Variants in CADM2 observed in about 807,000 individuals in gnomAD.
CADM2 encodes the protein immunoglobulin superfamily member 4D.
CADM2 carries 12 observed loss-of-function variants against 49.8 expected under a neutral mutation model. The observed-to-expected ratio is 0.24, with a 90% CI of 0.15 to 0.39. The LOEUF is 0.39. Among genes scored for constraint, CADM2 ranks in the 10% least tolerant of loss-of-function variants. CADM2 has a pLI of 1.00. For synonymous variants in CADM2, 214 were observed against 175.4 expected (o/e 1.22, Z -1.74); for missense variants, 378 against 492.3 (o/e 0.77, Z 2.20).
intron 3 of CADM2, among the ~76,000 whole-genome samples, chr3:85,854,764 G>T (rs1322127744): frequency 2.0e-5 from 3 of 152,178 alleles, no homozygotes; most frequent in Admixed American, 1.3e-4. Flanking sequence ...ATGTATCCCA[G>T]AACTTAAAGT....
chr3:85,209,447 A>C (rs567805494), intron 1 of CADM2, among the ~76,000 whole-genome samples: 1 of 152,280 alleles, frequency 6.6e-6, no homozygotes, highest in Admixed American at 6.5e-5. Context: ...AATTCTCTCG[A>C]AGCCCAAGCC....
chr3:86,039,733 T>A (rs1735617035), intron 8 of CADM2, among the ~76,000 whole-genome samples: 1 of 151,872 alleles, frequency 6.6e-6, no homozygotes, highest in Admixed American at 6.6e-5. Flanking sequence ...TTGAAGAGAG[T>A]AGTGGTTCTC....
chr3:85,494,933 T>C (rs1458133846), intron 1 of CADM2, among the ~76,000 whole-genome samples: 1 of 152,158 alleles, frequency 6.6e-6, no homozygotes, highest in Non-Finnish European at 1.5e-5. Context: ...AAGAAAACGT[T>C]AGACATGATT....
At chr3:85,596,849 C>A (rs192359396) in intron 1 of CADM2, among the ~76,000 whole-genome samples, 4 of 151,894 alleles carry the variant, frequency 2.6e-5, no homozygotes, top group African/African-American at 4.8e-5. Context: ...CCCTACTAGC[C>A]GGAACTACAG....
At chr3:85,453,179 T>A (rs2037830052) in intron 1 of CADM2, among the ~76,000 whole-genome samples, 1 of 152,152 alleles carries the variant, frequency 6.6e-6, no homozygotes, top group Non-Finnish European at 1.5e-5. Context: ...TTCCATTTTA[T>A]TTTTTTGTTT....
chr3:85,607,036 A>G (rs1576919521), intron 1 of CADM2, among the ~76,000 whole-genome samples: 1 of 152,198 alleles, frequency 6.6e-6, no homozygotes, highest in South Asian at 2.1e-4. Context: ...TGACAAACCT[A>G]AAAACTGGAT....
intron 1 of CADM2, among the ~76,000 whole-genome samples, chr3:85,112,231 A>G (rs1290598525): frequency 6.6e-6 from 1 of 151,866 alleles, no homozygotes; most frequent in African/African-American, 2.4e-5. Flanking sequence ...TCAGCATTCC[A>G]CTGGAAACCA....
At chr3:85,886,114 T>C in intron 4 of CADM2, 76 bp from the exon 5 acceptor site, 3 of 1,570,960 alleles carry the variant, frequency 1.9e-6, no homozygotes, top group Non-Finnish European at 2.6e-6. Context: ...TTCAGTTTCA[T>C]GTGTGAAAGT....
chr3:85,415,056 A>G lies in CADM2; in HGVS notation c.62-311466A>G, dbSNP rs1015873482. ...ACCAGGAAGTTTGGTATGAAAAATA[A>G]TTCTAAAGAAGCTTATTCTAAACCG... On this transcript the variant is annotated intron_variant, in intron 1 of 9. Transcript: ENST00000383699. 4.6e-5 allele frequency among the ~76,000 whole-genome samples: 7 copies of G among 152,178 alleles called. 1 individual carries two copies. The South Asian group carries it at 6.2e-4, about 13-fold the overall frequency.
At chr3:85,686,142 A>G (rs1030339043) in intron 1 of CADM2, among the ~76,000 whole-genome samples, 14 of 152,200 alleles carry the variant, frequency 9.2e-5, no homozygotes, top group African/African-American at 3.4e-4. Flanking sequence ...AGCTGCATAA[A>G]CTCACAGAAT....
At chr3:85,258,512 A>G (rs932343767) in intron 1 of CADM2, among the ~76,000 whole-genome samples, 1 of 150,942 alleles carries the variant, frequency 6.6e-6, no homozygotes, top group African/African-American at 2.4e-5. Context: ...AAAAAAAAAA[A>G]CTCACAGTCC....
At chr3:85,101,415 A>C (rs907099273) in intron 1 of CADM2, among the ~76,000 whole-genome samples, 15 of 152,166 alleles carry the variant, frequency 9.9e-5, no homozygotes, top group African/African-American at 3.6e-4. Flanking sequence ...TAACGTATAA[A>C]GGCCTCCAAA....
At chr3:85,931,620 T>TAATG (rs1440997509) in intron 6 of CADM2, among the ~76,000 whole-genome samples, 2 of 152,150 alleles carry the variant, frequency 1.3e-5, no homozygotes, top group African/African-American at 4.8e-5. Context: ...GATTTGAAGG[T>TAATG]AATGAATGAT....
intron 1 of CADM2, among the ~76,000 whole-genome samples, chr3:85,334,263 C>T (rs967093943): frequency 1.3e-5 from 2 of 151,440 alleles, no homozygotes; most frequent in Non-Finnish European, 3.0e-5. Context: ...GTAGTTGGGT[C>T]ATTAAATAGC....
chr3:85,758,637 C>T (rs903126869), intron 2 of CADM2, among the ~76,000 whole-genome samples: 6 of 151,976 alleles, frequency 3.9e-5, no homozygotes, highest in Admixed American at 1.3e-4. Context: ...TTATTTGAGT[C>T]AGAGGTTTAA....
chr3:85,347,973 A>G (rs1576392867), intron 1 of CADM2, among the ~76,000 whole-genome samples: 2 of 152,068 alleles, frequency 1.3e-5, no homozygotes, highest in East Asian at 3.9e-4. Context: ...GCGCCTGGCT[A>G]ATTTTTTGTA....
In CADM2 at chr3:85,215,568, C is replaced by G. The variant is rs559656940; in HGVS notation, c.61+255900C>G. ...TGGCGGAGAGGTAACACAAGCACTC[C>G]CTTAACCACCCAAGCTGGTGTCTCA... On this transcript the variant is annotated intron_variant, in intron 1 of 9. Coordinates refer to ENST00000383699, the MANE Select transcript of CADM2 (RefSeq NM_001167675.2). Among the ~76,000 whole-genome samples, 49 of 151,878 alleles carry G rather than the reference C, an allele frequency of 3.2e-4. 1 individual carries two copies. In the Middle Eastern group the frequency reaches 0.01, roughly 32 times the overall value.
In CADM2 at chr3:85,863,778, G is replaced by T. The variant is rs1014076611; in HGVS notation, c.239-19513G>T. On this transcript the variant is annotated intron_variant, in intron 3 of 9. Transcript: ENST00000383699. Reference sequence around the variant, plus strand: ...CACCAAAAACCCCTAAACAGCACTTGATAATACATATTTGCTCAATGGATC... The same window carrying T: ...CACCAAAAACCCCTAAACAGCACTTTATAATACATATTTGCTCAATGGATC... Among the ~76,000 whole-genome samples the T allele has an allele frequency of 2.0e-5, 3 of 152,192 alleles. No individual in the cohort carries two copies. The East Asian group carries it at 5.8e-4, about 29-fold the overall frequency.
At chr3:85,832,267 T>TG (rs1559688988) in intron 3 of CADM2, among the ~76,000 whole-genome samples, 2 of 151,858 alleles carry the variant, frequency 1.3e-5, no homozygotes, top group Non-Finnish European at 2.9e-5. Context: ...TCCAGCTTTA[T>TG]TTTTTTTGCT....
Sources: allele counts gnomAD v4.1 joint callset (sites outside exome capture counted in the v4.1 genomes callset), GRCh38; gene constraint gnomAD v4.1.1; transcripts MANE v1.5; gene names NCBI Gene and HGNC (gene_info 2026-07-23, HGNC 2026-07-21).